Variants in AK7 observed in about 807,000 individuals in gnomAD.
AK7 encodes ATP-AMP transphosphorylase 7.
AK7 carries 78 observed loss-of-function variants against 96.6 expected under a neutral mutation model. That is an observed-to-expected ratio of 0.81 (90% CI 0.67 to 0.97). The LOEUF is 0.97. AK7 is among the 50% of genes least tolerant of loss of function. The pLI is 0.00. For synonymous variants in AK7, 302 were observed against 317.2 expected (o/e 0.95, Z 0.51); for missense variants, 855 against 887.9 (o/e 0.96, Z 0.47).
At chr14:96,452,391 C>T (rs1440975623) in intron 10 of AK7, among the ~76,000 whole-genome samples, 3 of 151,568 alleles carry the variant, frequency 2.0e-5, no homozygotes, top group Non-Finnish European at 4.4e-5. Flanking sequence ...AGTGTGATCT[C>T]GGCTCACAGC....
chr14:96,393,268 C>T (rs8022264), intron 1 of AK7, among the ~76,000 whole-genome samples: 49,607 of 152,066 alleles, frequency 0.33, 8,747 homozygotes, highest in African/African-American at 0.45. Flanking sequence ...TAATCTCACC[C>T]TGGACAGACT....
At chr14:96,471,671 A>G in intron 13 of AK7, 65 bp downstream of exon 13, 2 of 1,295,312 alleles carry the variant, frequency 1.5e-6, no homozygotes, top group Non-Finnish European at 2.0e-6. Context: ...TTGTTCAGAG[A>G]AGTAGTCACT....
chr14:96,428,398 A>G (rs765924799), intron 5 of AK7, among the ~76,000 whole-genome samples: 1 of 152,096 alleles, frequency 6.6e-6, no homozygotes, highest in Non-Finnish European at 1.5e-5. Flanking sequence ...AGTCTTTGCT[A>G]TTGTAGATAG....
intron 5 of AK7, among the ~76,000 whole-genome samples, chr14:96,422,377 A>T (rs1891753201): frequency 6.6e-6 from 1 of 152,230 alleles, no homozygotes; most frequent in African/African-American, 2.4e-5. Flanking sequence ...TAGATAGGAG[A>T]CATGAAGCTA....
At chr14:96,448,892 G>A (rs79876562) in intron 8 of AK7, among the ~76,000 whole-genome samples, 15,229 of 152,056 alleles carry the variant, frequency 0.1, 906 homozygotes, top group East Asian at 0.15. Flanking sequence ...GGAGGCAGAG[G>A]TTGCAGTGAG....
chr14:96,449,938 G>A, intron 9 of AK7, 59 bp downstream of exon 9: 1 of 1,293,908 alleles, frequency 7.7e-7, no homozygotes, highest in African/African-American at 1.5e-5. Flanking sequence ...ATGGAGTATT[G>A]TTATTTTTTT....
At chr14:96,414,910 G>A (rs1891243162) in intron 4 of AK7, among the ~76,000 whole-genome samples, 1 of 151,846 alleles carries the variant, frequency 6.6e-6, no homozygotes, top group Non-Finnish European at 1.5e-5. Context: ...CTGCCGCCAT[G>A]CCCAGCTAAT....
At chr14:96,473,392 C>T (rs191816224) in intron 14 of AK7, among the ~76,000 whole-genome samples, 6 of 151,392 alleles carry the variant, frequency 4.0e-5, no homozygotes, top group South Asian at 2.1e-4. Context: ...AGGATGGTCT[C>T]GATCTCCCGA....
At position 96,488,437 on chromosome 14, in the gene AK7, T is replaced by C. The variant is rs1034701454; in HGVS notation, c.*94T>C. 1.7e-6 allele frequency: 2 copies of C among 1,159,814 alleles called. No homozygotes were observed. The highest frequency in any genetic ancestry group is 2.4e-5 in the East Asian group (1 of 41,512). 71.8% of individuals were successfully genotyped at this position (1,159,814 alleles called of 1,614,324 possible). On this transcript the variant is annotated 3_prime_UTR_variant, in exon 18 of 18. Coordinates refer to ENST00000267584, the MANE Select transcript of AK7 (RefSeq NM_152327.5). ...CTTTGAAAAATGCTTTTCCAGTTCT[T>C]AGAAAATTCTTTTTTTGTAGACAAA...
rs894299118 is a variant in AK7 at position 96,399,063 on chromosome 14, G to T, written c.294+800G>T. The T allele has an allele frequency of 6.7e-6, 1 of 150,316 alleles. No homozygotes were observed. Among genetic ancestry groups the T allele is most frequent in the Non-Finnish European group, 1.5e-5 (1 of 67,408 alleles). 9.3% of individuals were successfully genotyped at this position (150,316 alleles called of 1,614,324 possible). A position where few individuals can be genotyped will look rare whatever the true frequency, so the allele number is the denominator to read the frequency against. ...CCTACTTCTCCCTCACTCCCAGTTT[G>T]GATTCTGAGCTCTTTTCTGAGCTCC... On this transcript the variant is annotated intron_variant, in intron 2 of 17. Transcript: ENST00000267584. This position sits in a 1 kb window ranked among gnomAD's most constrained non-coding sequence, Gnocchi z 4.1.
At chr14:96,444,748 C>T (rs935806178) in intron 7 of AK7, among the ~76,000 whole-genome samples, 10 of 151,304 alleles carry the variant, frequency 6.6e-5, no homozygotes, top group African/African-American at 2.4e-4. Context: ...GATGGAGTCT[C>T]GCTCTGTCAC....
intron 5 of AK7, among the ~76,000 whole-genome samples, chr14:96,427,381 T>C (rs1892089208): frequency 1.3e-5 from 2 of 152,180 alleles, no homozygotes; most frequent in Admixed American, 1.3e-4. Context: ...ACATATTACA[T>C]GGCCTGAGAA....
chr14:96,414,547 A>G (rs1891214080), intron 4 of AK7, among the ~76,000 whole-genome samples: 1 of 152,148 alleles, frequency 6.6e-6, no homozygotes, highest in East Asian at 1.9e-4. Context: ...TGCTGCTACT[A>G]GTCTTGCTGT....
At chr14:96,486,054 G>T (rs1895755727) in intron 16 of AK7, among the ~76,000 whole-genome samples, 1 of 152,204 alleles carries the variant, frequency 6.6e-6, no homozygotes, top group Non-Finnish European at 1.5e-5. Flanking sequence ...AAAGTGCTGG[G>T]ATTACAGGCG....
At chr14:96,433,039 G>C (rs546110881) in intron 5 of AK7, among the ~76,000 whole-genome samples, 3 of 152,134 alleles carry the variant, frequency 2.0e-5, no homozygotes, top group Non-Finnish European at 4.4e-5. Flanking sequence ...CGAGAGGTCT[G>C]CTGTTAGTCT....
intron 12 of AK7, among the ~76,000 whole-genome samples, chr14:96,469,378 A>G (rs1260252987): frequency 6.6e-6 from 1 of 152,086 alleles, no homozygotes; most frequent in African/African-American, 2.4e-5. Context: ...AAATAAAATT[A>G]GCTGGGCGTA....
At chr14:96,457,813 T>C (rs1034681373) in intron 11 of AK7, among the ~76,000 whole-genome samples, 1 of 152,216 alleles carries the variant, frequency 6.6e-6, no homozygotes, top group Non-Finnish European at 1.5e-5. Context: ...CCCAATACCT[T>C]AGAATAACAC....
Position 96,488,824 on chromosome 14 carries a change from C to CTTTTTTTTTTTTTTTTTTTTTTTTTTTTT in AK7, c.*500_*501insTTTTTTTTTTTTTTTTTTTTTTTTTTTTT, listed in dbSNP as rs11361139. ...GACAAGATTGGTGCCTGTAAGGTGG[C>CTTTTTTTTTTTTTTTTTTTTTTTTTTTTT]TTTTTTTTTTTTTTTTTTTAAATGA... On this transcript the variant is annotated 3_prime_UTR_variant, in exon 18 of 18. Transcript: ENST00000267584. 1 of 127,788 alleles carries CTTTTTTTTTTTTTTTTTTTTTTTTTTTTT rather than the reference C, an allele frequency of 7.8e-6. No individual in the cohort carries two copies. The highest frequency in any genetic ancestry group is 2.9e-5 in the African/African-American group (1 of 34,254). 7.9% of individuals were successfully genotyped at this position (127,788 alleles called of 1,614,324 possible).
At position 96,442,607 on chromosome 14, in the gene AK7, A is replaced by G. The variant is rs1893017979; in HGVS notation, c.691-123A>G. On this transcript the variant is annotated intron_variant, in intron 6 of 17. Transcript: ENST00000267584. ...AGGGCTGATTTATAAAACACCCCCT[A>G]GAGGAAATTACTTAAGCAGATAGCT... 16 of 781,348 alleles carry G rather than the reference A, an allele frequency of 2.0e-5. No homozygotes were observed. The South Asian group carries it at 2.2e-4, about 11-fold the overall frequency. The allele number at this position is 781,348 out of a possible 1,614,324, so 48.4% of individuals were successfully genotyped here. A position where few individuals can be genotyped will look rare whatever the true frequency, so the allele number is the denominator to read the frequency against.
Sources: gnomAD v4.1 joint callset for allele counts (sites outside exome capture counted in the v4.1 genomes callset) on GRCh38, gnomAD v4.1.1 for gene constraint, Gnocchi (gnomAD v3.1) non-coding constraint, MANE v1.5 for transcripts, NCBI Gene and HGNC (gene_info 2026-07-23, HGNC 2026-07-21) for gene names.